Variants in CDH13 observed in about 807,000 individuals in gnomAD.
The protein encoded by CDH13 is cadherin-13.
CDH13 carries 24 observed loss-of-function variants against 63.8 expected under a neutral mutation model. That is an observed-to-expected ratio of 0.38 (90% CI 0.27 to 0.53). The LOEUF is 0.53. Ranked by LOEUF, CDH13 falls within the 20% of genes least tolerant of loss-of-function variation. CDH13 has a pLI of 0.85. For synonymous variants in CDH13, 503 were observed against 355.3 expected (o/e 1.42, Z -4.67); for missense variants, 1,049 against 903.1 (o/e 1.16, Z -2.07).
At chr16:82,735,766 G>T (rs1273625151) in intron 1 of CDH13, among the ~76,000 whole-genome samples, 1 of 152,156 alleles carries the variant, frequency 6.6e-6, no homozygotes, top group Non-Finnish European at 1.5e-5. Flanking sequence ...TCCTTCCCAA[G>T]TTGAACAGCA....
chr16:83,117,484 C>T (rs1434935030), intron 3 of CDH13, among the ~76,000 whole-genome samples: 2 of 152,082 alleles, frequency 1.3e-5, no homozygotes, highest in African/African-American at 4.8e-5. Flanking sequence ...AGCCCTCCTC[C>T]CTGCTGATCT....
At chr16:83,056,749 T>C (rs978528910) in intron 3 of CDH13, among the ~76,000 whole-genome samples, 8 of 152,194 alleles carry the variant, frequency 5.3e-5, no homozygotes, top group African/African-American at 1.9e-4. Context: ...TGGCAGGTAA[T>C]TGAATCACGG....
chr16:82,721,743 A>G (rs35255645), intron 1 of CDH13, among the ~76,000 whole-genome samples: 8 of 152,318 alleles, frequency 5.3e-5, no homozygotes, highest in South Asian at 2.1e-4. Context: ...TCTAAATACA[A>G]TCAAAGCCAT....
At chr16:83,435,240 C>T (rs901589744) in intron 6 of CDH13, among the ~76,000 whole-genome samples, 7 of 151,964 alleles carry the variant, frequency 4.6e-5, no homozygotes, top group Admixed American at 2.6e-4. Context: ...AACGGGGTTT[C>T]GCCTTGTTGG....
At chr16:83,545,097 AT>A in intron 7 of CDH13, among the ~76,000 whole-genome samples, 1 of 152,146 alleles carries the variant, frequency 6.6e-6, no homozygotes, top group East Asian at 1.9e-4. Flanking sequence ...TCACAAGCCC[AT>A]TGTTAGAGCT....
chr16:83,345,395 A>G (rs964911323), intron 6 of CDH13, among the ~76,000 whole-genome samples: 1 of 152,206 alleles, frequency 6.6e-6, no homozygotes. Flanking sequence ...TTCTTTTCAC[A>G]GTGGCCTTTT....
chr16:83,003,274 A>G (rs1290238607), intron 2 of CDH13, among the ~76,000 whole-genome samples: 1 of 152,180 alleles, frequency 6.6e-6, no homozygotes, highest in African/African-American at 2.4e-5. Flanking sequence ...TAGTTTGGAA[A>G]AGGTCAAGGG....
chr16:82,803,600 A>C (rs1466899508), intron 1 of CDH13, among the ~76,000 whole-genome samples: 1 of 152,188 alleles, frequency 6.6e-6, no homozygotes, highest in Non-Finnish European at 1.5e-5. Flanking sequence ...AAGAAGAATA[A>C]TGAAACTGTG....
At chr16:83,567,389 C>G (rs1904292097) in intron 7 of CDH13, among the ~76,000 whole-genome samples, 1 of 152,132 alleles carries the variant, frequency 6.6e-6, no homozygotes, top group Non-Finnish European at 1.5e-5. Context: ...CCAGGGCGTA[C>G]CTGTAAAATT....
chr16:83,124,732 A>G (rs1400189187), intron 3 of CDH13, among the ~76,000 whole-genome samples: 1 of 152,172 alleles, frequency 6.6e-6, no homozygotes, highest in Non-Finnish European at 1.5e-5. Context: ...GTATATGATT[A>G]TCCAATTTTC....
intron 8 of CDH13, among the ~76,000 whole-genome samples, chr16:83,650,105 A>G (rs919750111): frequency 1.3e-5 from 2 of 152,188 alleles, no homozygotes; most frequent in African/African-American, 4.8e-5. Flanking sequence ...TTGTAGGTTG[A>G]TGGAACTTGA....
chr16:83,041,854 A>G (rs189775262), intron 3 of CDH13, among the ~76,000 whole-genome samples: 3 of 152,354 alleles, frequency 2.0e-5, no homozygotes, highest in Admixed American at 2.0e-4. Context: ...CACATTTAAT[A>G]AAACAAATGT....
chr16:82,970,170 C>T (rs1366299661), intron 2 of CDH13, among the ~76,000 whole-genome samples: 1 of 152,030 alleles, frequency 6.6e-6, no homozygotes, highest in African/African-American at 2.4e-5. Flanking sequence ...GGAATGAGAA[C>T]ATGTGGTATT....
intron 5 of CDH13, among the ~76,000 whole-genome samples, chr16:83,261,749 G>C (rs528705424): frequency 2.7e-5 from 4 of 149,670 alleles, no homozygotes; most frequent in African/African-American, 9.9e-5. Context: ...ACAGTCACAA[G>C]ATCAGAAAGC....
intron 2 of CDH13, among the ~76,000 whole-genome samples, chr16:82,907,322 G>T (rs1043886222): frequency 2.0e-5 from 3 of 151,964 alleles, no homozygotes; most frequent in African/African-American, 7.3e-5. Context: ...CCCTCACTAG[G>T]CTCCCGGAAG....
chr16:82,650,007 A>G (rs981296279), intron 1 of CDH13, among the ~76,000 whole-genome samples: 1 of 152,170 alleles, frequency 6.6e-6, no homozygotes. Context: ...AACAAGGACC[A>G]TTTCCTGGGC....
At chr16:83,469,558 T>C (rs1055579957) in intron 6 of CDH13, among the ~76,000 whole-genome samples, 17 of 152,204 alleles carry the variant, frequency 1.1e-4, no homozygotes, top group African/African-American at 4.1e-4. Context: ...CCAGATGCTT[T>C]CAGGGCAACC....
chr16:83,448,236 T>C (rs899065434), intron 6 of CDH13, among the ~76,000 whole-genome samples: 1 of 152,098 alleles, frequency 6.6e-6, no homozygotes, highest in Admixed American at 6.6e-5. Flanking sequence ...GTATCACTGA[T>C]ATGTAAAGAA....
intron 3 of CDH13, among the ~76,000 whole-genome samples, chr16:83,095,309 G>T (rs2034139154): frequency 6.6e-6 from 1 of 152,110 alleles, no homozygotes; most frequent in African/African-American, 2.4e-5. Context: ...ACATGGTACT[G>T]GTGTAGTAAT....
Sources: gnomAD v4.1 joint callset for allele counts (sites outside exome capture counted in the v4.1 genomes callset) on GRCh38, gnomAD v4.1.1 for gene constraint, MANE v1.5 for transcripts, NCBI Gene and HGNC (gene_info 2026-07-23, HGNC 2026-07-21) for gene names.